TULP1: variants seen among roughly 807,000 people sequenced by gnomAD.
TULP1 encodes TUB like protein 1.
A neutral mutation model predicts 67.1 loss-of-function variants in TULP1; 50 were observed. The ratio of observed to expected loss-of-function variants is 0.75; its 90% CI spans 0.59 to 0.94. The LOEUF (loss-of-function observed/expected upper bound fraction) is 0.94. Among genes scored for constraint, TULP1 ranks in the 40% least tolerant of loss-of-function variants. The pLI is 0.00. For missense variants in TULP1, 746 were observed against 734.1 expected, an observed-to-expected ratio of 1.02 and a Z score of -0.19; for synonymous variants, 297 against 294.0, an observed-to-expected ratio of 1.01 and a Z score of -0.11.
intron 11 of TULP1, chr6:35,505,473 T>C: frequency 1.1e-6 from 1 of 882,884 alleles, no homozygotes; most frequent in Non-Finnish European, 1.7e-6. Flanking sequence ...TATGCCCTGC[T>C]CCAAGTGAGG....
Position 35,511,766 on chromosome 6 carries a change from G to A in TULP1, c.231C>T (p.Asp77=). ...TCTGCGGCGCCCGGGCCTGGGCTGG[G>A]TCTGGGGAAGGCTCCTCCCGCGGCC... ...TGRPREEPSP[D]PAQARAPQTV... is the part of the protein sequence containing the mutation. Residue 77 remains aspartate, a synonymous_variant, in exon 4 of 15, where the codon GAC becomes GAT. Transcript: ENST00000229771. 6.3e-7 allele frequency: 1 copy of A among 1,579,824 alleles called. No individual in the cohort carries two copies. Among genetic ancestry groups the A allele is most frequent in the East Asian group, 2.3e-5 (1 of 42,942 alleles).
Position 35,503,529 on chromosome 6 carries a change from A to G in TULP1, c.1323+30T>C. On this transcript the variant is annotated intron_variant, in intron 13 of 14. Transcript: ENST00000229771. The surrounding 1 kb of genome is among the most constrained non-coding windows in gnomAD (Gnocchi z 4.0). ...CCCGACTCCTGTTTCTCACATAGGG[A>G]GCCAGGGGCCAGGGAGGTGCGGGGC... 1 of 1,548,548 alleles carries G rather than the reference A, an allele frequency of 6.5e-7. No individual in the cohort carries two copies. The highest frequency in any genetic ancestry group is 1.4e-5 in the African/African-American group (1 of 73,156).
intron 5 of TULP1, among the ~76,000 whole-genome samples, chr6:35,510,146 A>G (rs4711419): frequency 0.12 from 17,764 of 151,654 alleles, 1,841 homozygotes; most frequent in African/African-American, 0.29. Context: ...CTCCACCTCC[A>G]GGGTTCAAGT....
In TULP1 at chr6:35,510,969, C is replaced by G; in HGVS notation, c.391G>C (p.Glu131Gln). The stretch of plus-strand genomic sequence containing the variant: ...ATTTTCTCTTTCTTTTCCTCTGCCT[C>G]CTCTTCCTCGTCCTCCTCGTCCTCC... ...EEEDEEDEEE[E>Q]AEEKKEKILL... is the part of the protein sequence containing the mutation. Residue 131 changes from glutamate (E) to glutamine (Q), a missense_variant, in exon 5 of 15, where the codon GAG becomes CAG. Transcript: ENST00000229771. The G allele has an allele frequency of 6.2e-7, 1 of 1,603,534 alleles. No individual in the cohort carries two copies. Among genetic ancestry groups the G allele is most frequent in the East Asian group, 2.2e-5 (1 of 44,864 alleles).
At chr6:35,510,200 C>T (rs1374033923) in intron 5 of TULP1, among the ~76,000 whole-genome samples, 2 of 152,008 alleles carry the variant, frequency 1.3e-5, no homozygotes, top group Non-Finnish European at 1.5e-5. Context: ...ATTACAGGCG[C>T]GCGCCACCAC....
Position 35,512,658 on chromosome 6 carries a change from G to T in TULP1, c.80C>A (p.Ala27Asp). The part of the protein sequence containing the change: ...GHEEESLSPE[A>D]PRRPKQRPAP... ...GCATACCTGTTTGGGGCGCCGCGGG[G>T]CCTCCGGGCTCAGGCTTTCTTCTTC... The change falls in exon 2 of 15, where the codon GCC becomes GAC. Residue 27 changes from alanine to aspartate, a missense_variant. Physicochemically the swap from Ala to Asp is moderately radical, Grantham distance 126. Coordinates refer to ENST00000229771, the MANE Select transcript of TULP1 (RefSeq NM_003322.6). 1 of 1,613,930 alleles carries T rather than the reference G, an allele frequency of 6.2e-7. No individual in the cohort carries two copies. Among genetic ancestry groups the T allele is most frequent in the Non-Finnish European group, 8.5e-7 (1 of 1,179,968 alleles).
In TULP1 at chr6:35,500,193, G is replaced by C. The variant is rs76757665; in HGVS notation, c.1324-41C>G. 8.7e-6 allele frequency: 14 copies of C among 1,605,358 alleles called. No homozygotes were observed. In the African/African-American group the frequency reaches 1.9e-4, roughly 21 times the overall value. On this transcript the variant is annotated intron_variant, in intron 13 of 14. Coordinates refer to ENST00000229771, the MANE Select transcript of TULP1 (RefSeq NM_003322.6). ...GGAGTAGACAGGGAGAGGACAGTTA[G>C]AGATGGCTGAGATGGCTCAGGACTG...
intron 11 of TULP1, among the ~76,000 whole-genome samples, chr6:35,504,449 A>G (rs1007204567): frequency 6.6e-6 from 1 of 152,206 alleles, no homozygotes; most frequent in Non-Finnish European, 1.5e-5. Context: ...TAGGCAAGGT[A>G]TTTAAACTCT....
rs1761234816 is a variant in TULP1 at position 35,512,644 on chromosome 6, T to G, written c.94A>C (p.Lys32Gln). Residue 32 changes from lysine to glutamine, a missense_variant, in exon 2 of 15, where the codon AAA (lysine) becomes CAA (glutamine). By Grantham distance (53) the Lys-to-Gln change is moderately conservative (BLOSUM62 1). This residue lies in a region of TULP1 where 359 missense variants were observed against 341.9 expected (regional missense o/e 1.05). Coordinates refer to ENST00000229771, the MANE Select transcript of TULP1 (RefSeq NM_003322.6). ...TTCCAAGTGGGGTGGCATACCTGTT[T>G]GGGGCGCCGCGGGGCCTCCGGGCTC... is the stretch of plus-strand genomic sequence containing the variant. ...SLSPEAPRRP[K>Q]QRPAPAQRLR... 4 of 1,613,836 alleles carry G rather than the reference T, an allele frequency of 2.5e-6. No homozygotes were observed. The South Asian group carries it at 3.3e-5, about 13-fold the overall frequency.
intron 8 of TULP1, among the ~76,000 whole-genome samples, chr6:35,507,905 C>T (rs1407576738): frequency 1.3e-5 from 2 of 152,210 alleles, no homozygotes; most frequent in Non-Finnish European, 2.9e-5. Flanking sequence ...GCCTCCACCT[C>T]CTGGGTTCAA....
chr6:35,503,626 C>G lies in TULP1; in HGVS notation c.1256G>C (p.Arg419Pro). Residue 419 changes from arginine to proline, a missense_variant, in exon 13 of 15, where the codon CGG (arginine) becomes CCG (proline). By Grantham distance (103) the Arg-to-Pro change is moderately radical (BLOSUM62 -2). Coordinates refer to ENST00000229771, the MANE Select transcript of TULP1 (RefSeq NM_003322.6). The surrounding 1 kb of genome is among the most constrained non-coding windows in gnomAD (Gnocchi z 4.0). ...ETNVLGFRGP[R>P]RMTVIIPGMS... ...GCCAGGAATGATGACGGTCATGCGC[C>G]GGGGGCCACGGAAGCCCAGCACGTT... The G allele has an allele frequency of 6.3e-7, 1 of 1,599,304 alleles. No homozygotes were observed. The highest frequency in any genetic ancestry group is 8.5e-7 in the Non-Finnish European group (1 of 1,173,170).
At position 35,503,443 on chromosome 6, in the gene TULP1, AT is replaced by A; in HGVS notation, c.1323+115del. 9.2e-7 allele frequency: 1 copy of A among 1,081,212 alleles called. No homozygotes were observed. The highest frequency in any genetic ancestry group is 1.4e-6 in the Non-Finnish European group (1 of 733,420). 67.0% of individuals were successfully genotyped at this position (1,081,212 alleles called of 1,614,324 possible). On this transcript the variant is annotated intron_variant, in intron 13 of 14. Transcript: ENST00000229771. The surrounding 1 kb of genome is among the most constrained non-coding windows in gnomAD (Gnocchi z 4.0). ...CAAGTCCATTCCCTAGGTGGCCAGA[AT>A]GAATTTGTGTTGGAGGGTGATGGAT...
In TULP1 at chr6:35,505,818, G is replaced by T; in HGVS notation, c.1035C>A (p.Ser345Arg). The T allele has an allele frequency of 6.2e-7, 1 of 1,614,152 alleles. No homozygotes were observed. Among genetic ancestry groups the T allele is most frequent in the Non-Finnish European group, 8.5e-7 (1 of 1,180,030 alleles). Reference sequence around the variant, plus strand: ...TGGAGATGAGGTAATTGGCTGTCTTGCTCCGTTTTCGTTTCCTGCCAGCCA... The same window carrying T: ...TGGAGATGAGGTAATTGGCTGTCTTTCTCCGTTTTCGTTTCCTGCCAGCCA... ...FLLAGRKRKR[S>R]KTANYLISID... The change falls in exon 11 of 15, where the codon AGC becomes AGA. Residue 345 changes from serine (S) to arginine (R), a missense_variant. By Grantham distance (110) the Ser-to-Arg change is moderately radical. Transcript: ENST00000229771.
In TULP1 at chr6:35,498,845, C is replaced by T. The variant is rs1404506810; in HGVS notation, c.1496-385G>A. Among the ~76,000 whole-genome samples the T allele has an allele frequency of 1.3e-5, 2 of 152,188 alleles. No homozygotes were observed. Among genetic ancestry groups the T allele is most frequent in the East Asian group, 3.9e-4 (2 of 5,194 alleles). On this transcript the variant is annotated intron_variant, in intron 14 of 14. Coordinates refer to ENST00000229771, the MANE Select transcript of TULP1 (RefSeq NM_003322.6). This position sits in a 1 kb window ranked among gnomAD's most constrained non-coding sequence, Gnocchi z 6.7. ...CAGCCACGAAGTCCCACCTTAGACC[C>T]CAGCTCCACCCCTTGACTAGCCCCT...
chr6:35,501,475 G>A (rs1760957740), intron 13 of TULP1, among the ~76,000 whole-genome samples: 1 of 136,508 alleles, frequency 7.3e-6, no homozygotes, highest in Admixed American at 7.9e-5. Context: ...TCTAGCCTGG[G>A]CTGGAGTGAG....
Position 35,498,274 on chromosome 6 carries a change from G to T in TULP1, c.*53C>A. 1 of 1,603,726 alleles carries T rather than the reference G, an allele frequency of 6.2e-7. No homozygotes were observed. ...TGGAGGGACCCTGCCAGCCTCCACT[G>T]AATCCTTTCCCCCACGCTGACGGGC... On this transcript the variant is annotated 3_prime_UTR_variant, in exon 15 of 15. Coordinates refer to ENST00000229771, the MANE Select transcript of TULP1 (RefSeq NM_003322.6). This position sits in a 1 kb window ranked among gnomAD's most constrained non-coding sequence, Gnocchi z 6.7.
chr6:35,512,356 A>G (rs1317431082), intron 2 of TULP1, 86 bp from the exon 3 acceptor site: 6 of 763,410 alleles, frequency 7.9e-6, no homozygotes, highest in African/African-American at 1.8e-5. Flanking sequence ...TTGAGCCGCC[A>G]GAAATAACCG....
chr6:35,509,266 T>C lies in TULP1; in HGVS notation c.765A>G (p.Ala255=), dbSNP rs1353225632. The change falls in exon 8 of 15, where the codon GCA becomes GCG. Residue 255 remains alanine, a synonymous_variant. Coordinates refer to ENST00000229771, the MANE Select transcript of TULP1 (RefSeq NM_003322.6). ...GATTGCTCTTCTTTATCACCGTAGC[T>C]GCCTCCTCCTCCTCTTCTTCCTCCT... ...ARKEEEEEEE[A]ATVIKKSNQK... is the part of the protein sequence containing the mutation. The C allele has an allele frequency of 6.2e-7, 1 of 1,614,030 alleles. No homozygotes were observed. Among genetic ancestry groups the C allele is most frequent in the Non-Finnish European group, 8.5e-7 (1 of 1,179,964 alleles).
rs201836697 is a variant in TULP1 at position 35,505,787 on chromosome 6, G to T, written c.1066C>A (p.Pro356Thr). Residue 356 changes from proline (P) to threonine (T), a missense_variant, in exon 11 of 15, where the codon CCT (proline) becomes ACT (threonine). Pro to Thr is a conservative substitution (Grantham distance 38, BLOSUM62 -1). Coordinates refer to ENST00000229771, the MANE Select transcript of TULP1 (RefSeq NM_003322.6). ...KTANYLISIDPTNLSRGGENF... is the reference protein window; with the variant it reads ...KTANYLISIDTTNLSRGGENF... ...TCCCCTCCTCGGGACAGATTGGTAGGGTCGATGGAGATGAGGTAATTGGCT... is the reference window on the plus strand; with the variant it reads ...TCCCCTCCTCGGGACAGATTGGTAGTGTCGATGGAGATGAGGTAATTGGCT... 1.9e-6 allele frequency: 3 copies of T among 1,614,210 alleles called. No homozygotes were observed. The highest frequency in any genetic ancestry group is 2.2e-5 in the South Asian group (2 of 91,078).
Sources: gnomAD v4.1 joint callset for allele counts (sites outside exome capture counted in the v4.1 genomes callset) on GRCh38, gnomAD v4.1.1 for gene constraint, gnomAD v4.1.1 regional missense constraint, Gnocchi (gnomAD v3.1) non-coding constraint, MANE v1.5 for transcripts, NCBI Gene and HGNC (gene_info 2026-07-23, HGNC 2026-07-21) for gene names.